The following C2orf49 variants were observed in gnomAD, a reference collection of about 807,000 sequenced individuals.
C2orf49 encodes tRNA-splicing ligase complex subunit ASW.
In C2orf49, 11 loss-of-function variants were observed where a neutral mutation model predicts 20.6. The observed-to-expected ratio is 0.53, with a 90% CI of 0.34 to 0.88. The LOEUF is 0.88. C2orf49 is among the 40% of genes least tolerant of loss of function. The pLI, the probability that C2orf49 is intolerant of heterozygous loss-of-function variation, is 0.02. For missense variants in C2orf49, 289 were observed against 274.2 expected, an observed-to-expected ratio of 1.05 and a Z score of -0.38; for synonymous variants, 134 against 108.5, an observed-to-expected ratio of 1.24 and a Z score of -1.46.
chr2:105,373,597 G>C, the C2orf49 span: 11 of 1,614,096 alleles, frequency 6.8e-6, no homozygotes, highest in Non-Finnish European at 9.3e-6. Context: ...GCACTTGGAT[G>C]AGTACTCGTT....
At chr2:105,379,602 C>G in the C2orf49 span, among the ~76,000 whole-genome samples, 43 of 152,326 alleles carry the variant, frequency 2.8e-4, no homozygotes, top group African/African-American at 9.4e-4. Flanking sequence ...TGCCCTTCCA[C>G]CTGAAATGAT....
At chr2:105,367,159 C>G in the C2orf49 span, among the ~76,000 whole-genome samples, 4 of 152,194 alleles carry the variant, frequency 2.6e-5, no homozygotes, top group African/African-American at 9.7e-5. Context: ...ATCCGTCTCT[C>G]TCTCCTCCCT....
At chr2:105,381,927 G>A in the C2orf49 span, among the ~76,000 whole-genome samples, 1 of 152,094 alleles carries the variant, frequency 6.6e-6, no homozygotes, top group African/African-American at 2.4e-5. Context: ...GTGTTACACC[G>A]AGGACAGAAG....
the C2orf49 span, chr2:105,358,286 C>T: frequency 6.6e-6 from 1 of 152,270 alleles, no homozygotes; most frequent in Admixed American, 6.5e-5. Context: ...TGGATCTCCT[C>T]TGGGGGCTGG....
intron 1 of C2orf49, among the ~76,000 whole-genome samples, chr2:105,339,030 G>A (rs1679589423): frequency 6.6e-6 from 1 of 152,232 alleles, no homozygotes; most frequent in Non-Finnish European, 1.5e-5. Context: ...CTTTTCTAAT[G>A]ATGTACTGCT....
At chr2:105,361,445 A>G in the C2orf49 span, 1 of 1,609,658 alleles carries the variant, frequency 6.2e-7, no homozygotes, top group Non-Finnish European at 8.5e-7. Flanking sequence ...CTGTTAACAG[A>G]GAGAAAATAA....
the C2orf49 span, chr2:105,359,183 A>G: frequency 2.7e-5 from 4 of 149,048 alleles, no homozygotes; most frequent in Middle Eastern, 3.5e-3. Flanking sequence ...GCTATTTACT[A>G]GAAGTGGAAT....
Position 105,347,701 on chromosome 2 carries a change from C to T in C2orf49, c.*2330C>T, listed in dbSNP as rs1466523725. On this transcript the variant is annotated 3_prime_UTR_variant, in exon 4 of 4. Coordinates refer to ENST00000258457, the MANE Select transcript of C2orf49 (RefSeq NM_024093.3). ...ACAGCTTGTCTTGAAATGTCTTTCTCCACATAATGAAGCATGCTGAATGCT... is the reference window on the plus strand; with the variant it reads ...ACAGCTTGTCTTGAAATGTCTTTCTTCACATAATGAAGCATGCTGAATGCT... 6.6e-6 allele frequency: 1 copy of T among 152,328 alleles called. No homozygotes were observed. Among genetic ancestry groups the T allele is most frequent in the African/African-American group, 2.4e-5 (1 of 41,570 alleles). The allele number at this position is 152,328 out of a possible 1,614,324, so 9.4% of individuals were successfully genotyped here. A position where few individuals can be genotyped will look rare whatever the true frequency, so the allele number is the denominator to read the frequency against.
intron 3 of C2orf49, 80 bp from the exon 4 acceptor site, chr2:105,345,235 C>T: frequency 3.1e-6 from 4 of 1,277,630 alleles, no homozygotes; most frequent in Non-Finnish European, 4.5e-6. Context: ...AATAGTAAAC[C>T]TTGGTTGTTT....
chr2:105,384,985 A>C, the C2orf49 span, among the ~76,000 whole-genome samples: 1 of 152,254 alleles, frequency 6.6e-6, no homozygotes, highest in Non-Finnish European at 1.5e-5. Context: ...CGTCAGGTGC[A>C]GTGAGACACG....
chr2:105,360,951 G>A, the C2orf49 span: 239 of 188,848 alleles, frequency 1.3e-3, no homozygotes, highest in Non-Finnish European at 2.1e-3. Flanking sequence ...TTTCAAGTTC[G>A]TGACATATGT....
chr2:105,337,916 A>G lies in C2orf49; in HGVS notation c.99+230A>G, dbSNP rs570840792. On this transcript the variant is annotated intron_variant, in intron 1 of 3. Coordinates refer to ENST00000258457, the MANE Select transcript of C2orf49 (RefSeq NM_024093.3). Reference sequence around the variant, plus strand: ...AATGCTTGGGAAATAGGGCTTATCTATCTGAGTCCCGATGGCTTGTAAAGA... The same window carrying G: ...AATGCTTGGGAAATAGGGCTTATCTGTCTGAGTCCCGATGGCTTGTAAAGA... Among the ~76,000 whole-genome samples, 12 of 152,254 alleles carry G rather than the reference A, an allele frequency of 7.9e-5. 2 individuals are homozygous for G. The South Asian group carries it at 1.5e-3, about 18-fold the overall frequency.
chr2:105,379,509 ACT>A, the C2orf49 span, among the ~76,000 whole-genome samples: 1 of 152,200 alleles, frequency 6.6e-6, no homozygotes, highest in Non-Finnish European at 1.5e-5. Flanking sequence ...CCATACGATA[ACT>A]CTATGAAATA....
chr2:105,370,210 C>A, the C2orf49 span, among the ~76,000 whole-genome samples: 4 of 151,642 alleles, frequency 2.6e-5, no homozygotes, highest in African/African-American at 7.3e-5. Flanking sequence ...CTGTCTCTAC[C>A]CCCCCAAAAA....
In C2orf49 at chr2:105,348,491, A is replaced by G. The variant is rs28711426; in HGVS notation, c.*3120A>G. On this transcript the variant is annotated 3_prime_UTR_variant, in exon 4 of 4. Coordinates refer to ENST00000258457, the MANE Select transcript of C2orf49 (RefSeq NM_024093.3). ...ATTCAATAGCAATGTGACCTTTTAA[A>G]TACTTACATTAAGTAAAACTGCCAG... is the stretch of plus-strand genomic sequence containing the variant. 9.7e-3 allele frequency: 1,459 copies of G among 149,838 alleles called. 35 individuals are homozygous for G. The highest frequency in any genetic ancestry group is 0.034 in the African/African-American group (1,396 of 40,966). 9.3% of individuals were successfully genotyped at this position (149,838 alleles called of 1,614,324 possible).
rs1287825939 is a variant in C2orf49 at position 105,347,607 on chromosome 2, A to C, written c.*2236A>C. 1 of 152,204 alleles carries C rather than the reference A, an allele frequency of 6.6e-6. No homozygotes were observed. The highest frequency in any genetic ancestry group is 1.5e-5 in the Non-Finnish European group (1 of 68,018). 9.4% of individuals were successfully genotyped at this position (152,204 alleles called of 1,614,324 possible). ...TGAGTTTGAAATGTGGAGAAACGCT[A>C]AACCATGTACTATGTGTTAACATAA... On this transcript the variant is annotated 3_prime_UTR_variant, in exon 4 of 4. Transcript: ENST00000258457.
chr2:105,380,388 GTCTA>G, the C2orf49 span, among the ~76,000 whole-genome samples: 1 of 152,124 alleles, frequency 6.6e-6, no homozygotes, highest in African/African-American at 2.4e-5. Context: ...TGTTCTGTCT[GTCTA>G]TCTATCATCT....
intron 2 of C2orf49, among the ~76,000 whole-genome samples, chr2:105,342,167 C>T (rs932757144): frequency 1.3e-5 from 2 of 152,174 alleles, no homozygotes; most frequent in African/African-American, 4.8e-5. Flanking sequence ...AGCGCAACTC[C>T]GTCTCAAAAA....
the C2orf49 span, among the ~76,000 whole-genome samples, chr2:105,354,738 AATTT>A: frequency 1.3e-5 from 2 of 152,230 alleles, no homozygotes; most frequent in Non-Finnish European, 2.9e-5. Flanking sequence ...TTAAGTATGT[AATTT>A]ATTCTACAAG....
Sources: gnomAD v4.1 joint callset for allele counts (sites outside exome capture counted in the v4.1 genomes callset) on GRCh38, gnomAD v4.1.1 for gene constraint, MANE v1.5 for transcripts, NCBI Gene and HGNC (gene_info 2026-07-23, HGNC 2026-07-21) for gene names.